Variants in NTRK3 observed in about 807,000 individuals in gnomAD.
NTRK3 encodes the protein NT-3 growth factor receptor.
In NTRK3, 24 loss-of-function variants were observed where a neutral mutation model predicts 91.7. The observed-to-expected ratio is 0.26, with a 90% CI of 0.19 to 0.37. The LOEUF is 0.37. NTRK3 is among the 10% of genes least tolerant of loss of function. The pLI is 1.00. For missense variants in NTRK3, 880 were observed against 1,068.9 expected (o/e 0.82, Z 2.46); for synonymous variants, 483 against 404.0 (o/e 1.20, Z -2.34).
At chr15:87,995,006 G>C (rs1349546255) in intron 14 of NTRK3, among the ~76,000 whole-genome samples, 1 of 152,216 alleles carries the variant, frequency 6.6e-6, no homozygotes, top group Admixed American at 6.5e-5. Context: ...ATTAAGTGAT[G>C]TACCTTCAAC....
exon 19 of NTRK3, chr15:87,871,558 AAC>A (rs2064828390): frequency 4.3e-6 from 1 of 230,318 alleles, no homozygotes; most frequent in South Asian, 1.8e-4. Flanking sequence ...TCTATCAGGC[AAC>A]CAGGAAGAAT....
intron 3 of NTRK3, among the ~76,000 whole-genome samples, chr15:88,212,086 A>G (rs1161123763): frequency 6.6e-6 from 1 of 152,232 alleles, no homozygotes; most frequent in Non-Finnish European, 1.5e-5. Context: ...AGTCTCTAAC[A>G]GGCCGGGCAC....
At chr15:87,944,772 C>A (rs2070274711) in intron 14 of NTRK3, among the ~76,000 whole-genome samples, 1 of 152,232 alleles carries the variant, frequency 6.6e-6, no homozygotes. Context: ...ACAGAACAGA[C>A]AAAGCCCTGG....
intron 12 of NTRK3, among the ~76,000 whole-genome samples, 166 bp downstream of exon 12, chr15:88,126,996 T>C (rs2053356389): frequency 6.6e-6 from 1 of 152,192 alleles, no homozygotes; most frequent in African/African-American, 2.4e-5. Context: ...AATGAACTAT[T>C]TCCATCCAAC....
At chr15:88,206,765 T>C (rs555306256) in intron 3 of NTRK3, among the ~76,000 whole-genome samples, 97 of 152,050 alleles carry the variant, frequency 6.4e-4, no homozygotes, top group African/African-American at 2.1e-3. Flanking sequence ...GCCGGGTCTT[T>C]CCTGGCTCAC....
chr15:87,994,373 C>T (rs1317085143), intron 14 of NTRK3, among the ~76,000 whole-genome samples: 1 of 152,142 alleles, frequency 6.6e-6, no homozygotes, highest in Non-Finnish European at 1.5e-5. Flanking sequence ...TTACTACGTC[C>T]TTATACAAAG....
In NTRK3 at chr15:88,241,627, A is replaced by C. The variant is rs1049127944; in HGVS notation, c.248+14279T>G. Among the ~76,000 whole-genome samples the C allele has an allele frequency of 3.3e-5, 5 of 152,168 alleles. No homozygotes were observed. The East Asian group carries it at 9.6e-4, about 29-fold the overall frequency. On this transcript the variant is annotated intron_variant, in intron 3 of 18. Coordinates refer to ENST00000394480, the Ensembl canonical transcript of NTRK3. The surrounding 1 kb of genome is among the most constrained non-coding windows in gnomAD (Gnocchi z 4.3). ...TCAGCCGCTGGTTGGGCAGAATGCC[A>C]GCTGGGTGCTGGGAGCAGGAAGCGG...
At chr15:87,918,104 A>G (rs1261371364) in intron 17 of NTRK3, among the ~76,000 whole-genome samples, 1 of 151,994 alleles carries the variant, frequency 6.6e-6, no homozygotes, top group Non-Finnish European at 1.5e-5. Context: ...CGTAGTCCTG[A>G]GCCCATGGAT....
chr15:88,191,790 A>G (rs2047417909), intron 3 of NTRK3, among the ~76,000 whole-genome samples: 1 of 152,276 alleles, frequency 6.6e-6, no homozygotes, highest in Admixed American at 6.5e-5. Context: ...CAACAGCTCC[A>G]TGGTGCTAAG....
intron 17 of NTRK3, among the ~76,000 whole-genome samples, chr15:87,903,426 C>T (rs1256997664): frequency 6.6e-6 from 1 of 152,186 alleles, no homozygotes; most frequent in Non-Finnish European, 1.5e-5. Context: ...ATCATCTTCC[C>T]TGTAGCTCCT....
chr15:88,089,665 G>T (rs1597242516), intron 13 of NTRK3, among the ~76,000 whole-genome samples: 1 of 152,128 alleles, frequency 6.6e-6, no homozygotes. Context: ...CATGGACACA[G>T]CCTCCTGACC....
At chr15:88,112,185 C>T (rs981729028) in intron 13 of NTRK3, among the ~76,000 whole-genome samples, 4 of 152,178 alleles carry the variant, frequency 2.6e-5, no homozygotes, top group Non-Finnish European at 4.4e-5. Context: ...GGATTACAGG[C>T]GTGAGCCACC....
At chr15:88,054,951 T>C (rs1436476581) in intron 13 of NTRK3, among the ~76,000 whole-genome samples, 1 of 152,152 alleles carries the variant, frequency 6.6e-6, no homozygotes, top group East Asian at 1.9e-4. Flanking sequence ...GATGTAGATC[T>C]TTGCCCACAC....
chr15:88,189,636 T>G (rs6496468), intron 3 of NTRK3, among the ~76,000 whole-genome samples: 89,328 of 151,626 alleles, frequency 0.59, 28,818 homozygotes, highest in African/African-American at 0.88. Flanking sequence ...TAGAGACAGG[T>G]TTTCACCATG....
Position 88,052,735 on chromosome 15 carries a change from AG to A in NTRK3, c.1397-19691del, listed in dbSNP as rs143821161. On this transcript the variant is annotated intron_variant, in intron 13 of 18. Transcript: ENST00000394480. ...AAAAATCTTTGGGTAATGGAGGTGG[AG>A]GGTGTCAGGGAGGGGAGTATAGGTG... Among the ~76,000 whole-genome samples the A allele has an allele frequency of 9.5e-3, 1,440 of 152,280 alleles. 25 individuals carry two copies. Among genetic ancestry groups the A allele is most frequent in the African/African-American group, 0.03 (1,258 of 41,550 alleles).
exon 4 of NTRK3, chr15:88,184,263 G>A (rs536176882): frequency 1.6e-5 from 25 of 1,607,676 alleles, no homozygotes; most frequent in South Asian, 9.9e-5. Flanking sequence ...TGTCCACGGC[G>A]TTGAGCGTGT....
chr15:88,055,131 C>T (rs1041736688), intron 13 of NTRK3, among the ~76,000 whole-genome samples: 1 of 152,180 alleles, frequency 6.6e-6, no homozygotes, highest in African/African-American at 2.4e-5. Context: ...TAATGAATGC[C>T]AATCCCAGGC....
chr15:87,868,157 T>C, exon 19 of NTRK3: 1 of 231,652 alleles, frequency 4.3e-6, no homozygotes, highest in Non-Finnish European at 8.5e-6. Context: ...TTGTGGAGGC[T>C]TTTGTGTGTG....
chr15:88,092,371 A>G (rs2049096724), intron 13 of NTRK3, among the ~76,000 whole-genome samples: 1 of 152,190 alleles, frequency 6.6e-6, no homozygotes, highest in Non-Finnish European at 1.5e-5. Flanking sequence ...TTGATCATTA[A>G]TCCTGAAACA....
Sources: allele counts gnomAD v4.1 joint callset (sites outside exome capture counted in the v4.1 genomes callset), GRCh38; gene constraint gnomAD v4.1.1; non-coding constraint Gnocchi (gnomAD v3.1); transcripts MANE v1.5; gene names NCBI Gene and HGNC (gene_info 2026-07-23, HGNC 2026-07-21).